The following COPZ2 variants were observed in gnomAD, a reference collection of about 807,000 sequenced individuals.
COPZ2 encodes coat protein complex I subunit zeta 2, also known as coatomer subunit zeta-2.
COPZ2 carries 30 observed loss-of-function variants against 33.2 expected under a neutral mutation model. That is an observed-to-expected ratio of 0.90 (90% CI 0.68 to 1.23). The LOEUF (loss-of-function observed/expected upper bound fraction) is 1.23, where lower values mean the gene tolerates loss of function less well. COPZ2 is among the 50% of genes most tolerant of loss of function. COPZ2 has a pLI of 0.00. For missense variants in COPZ2, 263 were observed against 262.4 expected (o/e 1.00, Z -0.02); for synonymous variants, 89 against 102.6 (o/e 0.87, Z 0.80).
At position 48,028,614 on chromosome 17, in the gene COPZ2, G is replaced by A. The variant is rs900415507; in HGVS notation, c.547-104C>T. The A allele has an allele frequency of 9.4e-7, 1 of 1,058,576 alleles. No homozygotes were observed. Among genetic ancestry groups the A allele is most frequent in the Non-Finnish European group, 1.4e-6 (1 of 717,866 alleles). The allele number at this position is 1,058,576 out of a possible 1,614,324, so 65.6% of individuals were successfully genotyped here. A position where few individuals can be genotyped will look rare whatever the true frequency, so the allele number is the denominator to read the frequency against. On this transcript the variant is annotated intron_variant, in intron 7 of 8. Coordinates refer to ENST00000621465, the MANE Select transcript of COPZ2 (RefSeq NM_016429.4). The surrounding 1 kb of genome is among the most constrained non-coding windows in gnomAD (Gnocchi z 4.5). ...GGGGGTATGGGTGAGGTGGTGCAGT[G>A]GTTAGGGTGATTCAGAGCTGCACCT... is the stretch of plus-strand genomic sequence containing the variant.
At chr17:48,041,029 G>A (rs1173602700), upstream of COPZ2, among the ~76,000 whole-genome samples, 2 of 151,346 alleles carry the variant, frequency 1.3e-5, no homozygotes, top group East Asian at 3.9e-4. Context: ...GCGAGTGCCT[G>A]TAGTCCCAGC....
At chr17:48,034,959 G>A (rs780912582) in intron 2 of COPZ2, among the ~76,000 whole-genome samples, 7 of 152,118 alleles carry the variant, frequency 4.6e-5, no homozygotes, top group African/African-American at 1.7e-4. Flanking sequence ...GAACTTCAGC[G>A]TGGGCAGCAG....
At chr17:48,026,779 C>T (rs2036823829) in intron 8 of COPZ2, among the ~76,000 whole-genome samples, 1 of 152,256 alleles carries the variant, frequency 6.6e-6, no homozygotes, top group African/African-American at 2.4e-5. Flanking sequence ...AGAGTTCCCG[C>T]CCACAGTGCC....
At chr17:48,033,369 TG>T (rs1313141557) in intron 3 of COPZ2, 67 bp from the exon 4 acceptor site, 1 of 859,128 alleles carries the variant, frequency 1.2e-6, no homozygotes, top group African/African-American at 1.7e-5. Context: ...CTCCTCCTCA[TG>T]TATGACTCTG....
At chr17:48,031,961 A>G in intron 6 of COPZ2, 195 bp downstream of exon 6, 2 of 608,314 alleles carry the variant, frequency 3.3e-6, no homozygotes, top group Non-Finnish European at 5.9e-6. Flanking sequence ...ACTTTGGCTA[A>G]CATTGAAATC....
intron 8 of COPZ2, among the ~76,000 whole-genome samples, chr17:48,026,805 C>T (rs745579716): frequency 1.3e-5 from 2 of 152,268 alleles, no homozygotes; most frequent in Non-Finnish European, 2.9e-5. Flanking sequence ...CAGGCGGAGA[C>T]GGGGCCCAGG....
At chr17:48,039,897 G>A (rs1000093713), upstream of COPZ2, among the ~76,000 whole-genome samples, 9 of 152,156 alleles carry the variant, frequency 5.9e-5, no homozygotes, top group African/African-American at 1.9e-4. Flanking sequence ...CGAGACAGGC[G>A]GATCACGAGG....
rs551863467 is a variant in COPZ2, at chr17:48,026,328, C to G, written c.*100G>C. On this transcript the variant is annotated 3_prime_UTR_variant, in exon 9 of 9. Transcript: ENST00000621465. ...CTTAGGAGTCAGTTCTGGGAGGGAC[C>G]TGGGGATACAGAGGGGTCTCTCCTG... 3.2e-6 allele frequency: 3 copies of G among 935,498 alleles called. No individual in the cohort carries two copies. In the South Asian group the frequency reaches 4.4e-5, roughly 14 times the overall value. 57.9% of individuals were successfully genotyped at this position (935,498 alleles called of 1,614,324 possible). A position where few individuals can be genotyped will look rare whatever the true frequency, so the allele number is the denominator to read the frequency against.
chr17:48,028,459 C>T lies in COPZ2; in HGVS notation c.585+13G>A. On this transcript the variant is annotated intron_variant, in intron 8 of 8. Transcript: ENST00000621465. This position sits in a 1 kb window ranked among gnomAD's most constrained non-coding sequence, Gnocchi z 4.5. ...AGACCATTTCTAGCCAAGGCAGATG[C>T]AGGGGGGCCTACCTGGGCCACACTC... 1.9e-6 allele frequency: 3 copies of T among 1,607,852 alleles called. No homozygotes were observed. The highest frequency in any genetic ancestry group is 1.7e-6 in the Non-Finnish European group (2 of 1,177,184).
chr17:48,038,198 T>C (rs777918439), upstream of COPZ2, among the ~76,000 whole-genome samples: 3 of 152,124 alleles, frequency 2.0e-5, no homozygotes, highest in Non-Finnish European at 4.4e-5. Flanking sequence ...GGTCACCCTT[T>C]AGATCTCAGG....
chr17:48,042,625 C>A (rs1375367241), upstream of COPZ2, among the ~76,000 whole-genome samples: 2 of 152,070 alleles, frequency 1.3e-5, no homozygotes, highest in African/African-American at 4.8e-5. Flanking sequence ...CCATGCCCGG[C>A]TAATTTTTGT....
At chr17:48,044,261 C>G in the COPZ2 span, among the ~76,000 whole-genome samples, 2 of 152,032 alleles carry the variant, frequency 1.3e-5, no homozygotes, top group African/African-American at 2.4e-5. Flanking sequence ...GCAGGAGAAT[C>G]GCTTGAACTG....
intron 5 of COPZ2, 109 bp from the exon 6 acceptor site, chr17:48,032,342 C>A (rs935539892): frequency 5.5e-6 from 5 of 911,436 alleles, no homozygotes; most frequent in Non-Finnish European, 8.8e-6. Flanking sequence ...CACCCCTCAC[C>A]AAACAAGGAC....
the COPZ2 span, chr17:48,043,405 T>A: frequency 2.1e-6 from 1 of 472,488 alleles, no homozygotes; most frequent in Non-Finnish European, 2.8e-6. Context: ...TCTGTTCTTA[T>A]GTGACGAGAA....
chr17:48,034,336 C>T (rs1421635800), intron 2 of COPZ2, among the ~76,000 whole-genome samples: 2 of 152,124 alleles, frequency 1.3e-5, no homozygotes, highest in Non-Finnish European at 2.9e-5. Context: ...GAACTCCCGA[C>T]CTCAGGTGAT....
chr17:48,037,579 G>C lies in COPZ2; in HGVS notation c.111+88C>G. 2 of 1,022,286 alleles carry C rather than the reference G, an allele frequency of 2.0e-6. No individual in the cohort carries two copies. Among genetic ancestry groups the C allele is most frequent in the South Asian group, 3.5e-5 (1 of 28,600 alleles). The allele number at this position is 1,022,286 out of a possible 1,614,324, so 63.3% of individuals were successfully genotyped here. A position where few individuals can be genotyped will look rare whatever the true frequency, so the allele number is the denominator to read the frequency against. On this transcript the variant is annotated intron_variant, in intron 1 of 8. Transcript: ENST00000621465. This position sits in a 1 kb window ranked among gnomAD's most constrained non-coding sequence, Gnocchi z 5.6. ...CAAAGTTCCCAGCCGCCGGGCGCGC[G>C]AGTTCTGAGTTGGCTGCTCCCCCTA... is the stretch of plus-strand genomic sequence containing the variant.
At chr17:48,038,119 C>T (rs892666556), upstream of COPZ2, 1 of 154,356 alleles carries the variant, frequency 6.5e-6, no homozygotes, top group Non-Finnish European at 1.4e-5. Context: ...CTGGGGCCAG[C>T]AGCAAACACA....
At chr17:48,043,747 C>A in the COPZ2 span, among the ~76,000 whole-genome samples, 2 of 152,176 alleles carry the variant, frequency 1.3e-5, no homozygotes, top group African/African-American at 4.8e-5. Context: ...TGAATATGTA[C>A]ATTGTTATCT....
Position 48,036,945 on chromosome 17 carries a change from T to G in COPZ2, c.112-20A>C. The G allele has an allele frequency of 6.2e-7, 1 of 1,609,962 alleles. No individual in the cohort carries two copies. Among genetic ancestry groups the G allele is most frequent in the Non-Finnish European group, 8.5e-7 (1 of 1,176,532 alleles). ...CTGCAACTGACACCGGAGAGGAGAG[T>G]TCCGTTTGGCCCCTGACTCGAGGTG... is the stretch of plus-strand genomic sequence containing the variant. On this transcript the variant is annotated intron_variant, in intron 1 of 8. Coordinates refer to ENST00000621465, the MANE Select transcript of COPZ2 (RefSeq NM_016429.4).
Sources: allele counts gnomAD v4.1 joint callset (sites outside exome capture counted in the v4.1 genomes callset), GRCh38; gene constraint gnomAD v4.1.1; non-coding constraint Gnocchi (gnomAD v3.1); transcripts MANE v1.5; gene names NCBI Gene and HGNC (gene_info 2026-07-23, HGNC 2026-07-21).